NIPBL: variants seen among roughly 807,000 people sequenced by gnomAD.
The protein encoded by NIPBL is NIPBL cohesin loading factor, also known as nipped-B-like protein.
In NIPBL, 19 loss-of-function variants were observed where a neutral mutation model predicts 321.8. The ratio of observed to expected loss-of-function variants is 0.06; its 90% confidence interval spans 0.04 to 0.09. The LOEUF is 0.09. NIPBL is among the 10% of genes least tolerant of loss of function. The pLI is 1.00. For missense variants in NIPBL, 2,210 were observed against 3,327.0 expected, an observed-to-expected ratio of 0.66 and a Z score of 8.26; for synonymous variants, 1,106 against 1,114.1, an observed-to-expected ratio of 0.99 and a Z score of 0.14.
In NIPBL at chr5:37,064,959, C is replaced by T; in HGVS notation, c.*67C>T. 6.3e-7 allele frequency: 1 copy of T among 1,583,396 alleles called. No homozygotes were observed. Among genetic ancestry groups the T allele is most frequent in the East Asian group, 2.2e-5 (1 of 44,720 alleles). On this transcript the variant is annotated 3_prime_UTR_variant, in exon 47 of 47. Coordinates refer to ENST00000282516, the MANE Select transcript of NIPBL (RefSeq NM_133433.4). ...AAGGCAGAAAAACTTGAAATACCAA[C>T]ATTCTGGCAAAAAAAAATCAGTTTT...
In NIPBL at chr5:36,887,302, A is replaced by G. The variant is rs1745986601; in HGVS notation, c.-80+10124A>G. Among the ~76,000 whole-genome samples, 5 of 152,202 alleles carry G rather than the reference A, an allele frequency of 3.3e-5. No homozygotes were observed. The South Asian group carries it at 1.0e-3, about 31-fold the overall frequency. On this transcript the variant is annotated intron_variant, in intron 1 of 46. Transcript: ENST00000282516. ...TAGAAACTAGAATAAAAAATGAAGG[A>G]TGGTGCAGTAACACCAAAAACTTGA...
At chr5:36,910,064 G>A (rs1360166760) in intron 1 of NIPBL, among the ~76,000 whole-genome samples, 1 of 149,444 alleles carries the variant, frequency 6.7e-6, no homozygotes, top group Non-Finnish European at 1.5e-5. Context: ...GACAGAGTGA[G>A]ACTCAGTCTA....
intron 9 of NIPBL, chr5:36,982,357 T>C: frequency 4.9e-6 from 1 of 202,414 alleles, no homozygotes. Flanking sequence ...CAGAGCTGCT[T>C]TATAAGGAGT....
chr5:37,032,258 A>G (rs1223620107), intron 32 of NIPBL, among the ~76,000 whole-genome samples: 2 of 152,192 alleles, frequency 1.3e-5, no homozygotes, highest in African/African-American at 4.8e-5. Flanking sequence ...AAATTTGTGC[A>G]TTTTATTGCA....
At chr5:36,944,394 A>C (rs1386414809) in intron 1 of NIPBL, among the ~76,000 whole-genome samples, 1 of 151,990 alleles carries the variant, frequency 6.6e-6, no homozygotes, top group African/African-American at 2.4e-5. Context: ...CTATTGGGAG[A>C]GTTTCCTAAA....
At chr5:37,024,781 G>C in intron 30 of NIPBL, 62 bp downstream of exon 30, 3 of 1,297,184 alleles carry the variant, frequency 2.3e-6, no homozygotes, top group Non-Finnish European at 3.3e-6. Context: ...AATGTTTATT[G>C]CACCTAAATG....
In NIPBL at chr5:36,894,951, A is replaced by G. The variant is rs1746621069; in HGVS notation, c.-80+17773A>G. ...AGGCTTGTAGCAAGTGTTTGCTGAT[A>G]ACTGGTGTAGCTCATCTGGACTGGT... On this transcript the variant is annotated intron_variant, in intron 1 of 46. Coordinates refer to ENST00000282516, the MANE Select transcript of NIPBL (RefSeq NM_133433.4). Among the ~76,000 whole-genome samples, 3 of 152,350 alleles carry G rather than the reference A, an allele frequency of 2.0e-5. 1 individual carries two copies. Among genetic ancestry groups the G allele is most frequent in the Middle Eastern group, 6.8e-3 (2 of 294 alleles).
intron 10 of NIPBL, among the ~76,000 whole-genome samples, chr5:36,989,644 C>A (rs1745252087): frequency 6.6e-6 from 1 of 151,932 alleles, no homozygotes; most frequent in Non-Finnish European, 1.5e-5. Flanking sequence ...TAGAGACCAG[C>A]CTGGCCAACA....
chr5:36,905,966 G>A (rs868246777), intron 1 of NIPBL, among the ~76,000 whole-genome samples: 5 of 152,066 alleles, frequency 3.3e-5, no homozygotes, highest in Middle Eastern at 3.4e-3. Flanking sequence ...GGATGGTCTC[G>A]ATCTCCTGAC....
chr5:36,919,369 CT>C (rs1029389374), intron 1 of NIPBL, among the ~76,000 whole-genome samples: 62 of 145,758 alleles, frequency 4.3e-4, no homozygotes, highest in Admixed American at 6.9e-4. Context: ...TCCTACCTCT[CT>C]TTTTTTTTTT....
chr5:36,975,052 A>T (rs557249455), intron 8 of NIPBL, among the ~76,000 whole-genome samples: 4 of 152,128 alleles, frequency 2.6e-5, no homozygotes, highest in African/African-American at 9.6e-5. Context: ...TTCATATAAC[A>T]TTGGTTGATT....
rs760960982 is a variant in NIPBL, at chr5:37,016,044, T to A, written c.4650T>A (p.Gly1550=). 7 of 1,613,846 alleles carry A rather than the reference T, an allele frequency of 4.3e-6. No homozygotes were observed. The African/African-American group carries it at 5.3e-5, about 12-fold the overall frequency. The change falls in exon 23 of 47, where the codon GGT becomes GGA. Residue 1550 remains glycine, a synonymous_variant. Coordinates refer to ENST00000282516, the MANE Select transcript of NIPBL (RefSeq NM_133433.4). ...NFLSIFLKKC[G]SKQGEEDYRP... ...ATTATTTGCCTTTGAACAGATGTGG[T>A]AGTAAGCAAGGTGAAGAAGATTACA...
At chr5:37,029,358 T>C (rs1236253376) in intron 32 of NIPBL, among the ~76,000 whole-genome samples, 1 of 152,230 alleles carries the variant, frequency 6.6e-6, no homozygotes, top group Non-Finnish European at 1.5e-5. Flanking sequence ...TGTTTGACTT[T>C]TTAAACTTAG....
At chr5:37,042,090 C>T (rs929407778) in intron 34 of NIPBL, among the ~76,000 whole-genome samples, 2 of 152,046 alleles carry the variant, frequency 1.3e-5, no homozygotes, top group Non-Finnish European at 2.9e-5. Flanking sequence ...AATTAATACT[C>T]CTACAAGCCA....
At chr5:36,972,773 T>G (rs966006570) in intron 8 of NIPBL, among the ~76,000 whole-genome samples, 5 of 151,862 alleles carry the variant, frequency 3.3e-5, no homozygotes, top group Non-Finnish European at 7.4e-5. Flanking sequence ...TCATAAAGCC[T>G]CTTTTCAACT....
At chr5:37,013,359 C>T (rs1748467294) in intron 21 of NIPBL, among the ~76,000 whole-genome samples, 1 of 152,004 alleles carries the variant, frequency 6.6e-6, no homozygotes, top group East Asian at 1.9e-4. Context: ...ACCCCCCCAC[C>T]TCCCTTCCGG....
At chr5:36,971,898 A>C in intron 7 of NIPBL, 47 bp from the exon 8 acceptor site, 1 of 1,568,168 alleles carries the variant, frequency 6.4e-7, no homozygotes. Context: ...GATTTCTATA[A>C]AGCCTCTCCT....
At chr5:36,891,980 A>G (rs927929814) in intron 1 of NIPBL, among the ~76,000 whole-genome samples, 4 of 152,186 alleles carry the variant, frequency 2.6e-5, no homozygotes, top group African/African-American at 7.2e-5. Context: ...AGAGTAGAAT[A>G]TAAGTTAAAT....
rs1755280366 is a variant in NIPBL, at chr5:37,065,457, A to T, written c.*565A>T. ...ATACAAGAAAAGGGATCCCCAGGTA[A>T]TCTGGTGGAGCGAATACTGCAATAA... On this transcript the variant is annotated 3_prime_UTR_variant, in exon 47 of 47. Transcript: ENST00000282516. The T allele has an allele frequency of 6.5e-6, 1 of 152,702 alleles. No homozygotes were observed. Among genetic ancestry groups the T allele is most frequent in the African/African-American group, 2.4e-5 (1 of 41,438 alleles). The allele number at this position is 152,702 out of a possible 1,614,324, so 9.5% of individuals were successfully genotyped here.
Sources: gnomAD v4.1 joint callset for allele counts (sites outside exome capture counted in the v4.1 genomes callset) on GRCh38, gnomAD v4.1.1 for gene constraint, MANE v1.5 for transcripts, NCBI Gene and HGNC (gene_info 2026-07-23, HGNC 2026-07-21) for gene names.